HERC2: variants seen among roughly 807,000 people sequenced by gnomAD.
HERC2 encodes the protein E3 ubiquitin-protein ligase HERC2.
A neutral mutation model predicts 537.7 loss-of-function variants in HERC2; 102 were observed. The observed-to-expected ratio is 0.19, with a 90% CI of 0.16 to 0.22. The LOEUF is 0.22. HERC2 is among the 10% of genes least tolerant of loss of function. The pLI is 1.00. For missense variants in HERC2, 4,236 were observed against 6,198.2 expected (o/e 0.68, Z 10.63); for synonymous variants, 2,224 against 2,466.2 (o/e 0.90, Z 2.91).
chr15:28,174,997 C>T (rs1383950422), intron 64 of HERC2, among the ~76,000 whole-genome samples: 2 of 151,918 alleles, frequency 1.3e-5, no homozygotes, highest in Admixed American at 1.3e-4. Flanking sequence ...TGCTTCTTGG[C>T]CTTATAGAAT....
chr15:28,241,662 T>C (rs1331078069), intron 23 of HERC2, among the ~76,000 whole-genome samples: 1 of 151,648 alleles, frequency 6.6e-6, no homozygotes, highest in African/African-American at 2.4e-5. Flanking sequence ...TCTACTAAAA[T>C]ACAAAAAATT....
At position 28,142,913 on chromosome 15, in the gene HERC2, G is replaced by T. The variant is rs925644399; in HGVS notation, c.11458C>A (p.Leu3820Ile). Residue 3820 changes from leucine to isoleucine, a missense_variant, in exon 75 of 93, where the codon CTT (leucine) becomes ATT (isoleucine). Leu to Ile is a conservative substitution (Grantham distance 5). This residue lies in a region of HERC2 where 23 missense variants were observed against 60.0 expected (regional missense o/e 0.38). Transcript: ENST00000261609. Reference sequence around the variant, plus strand: ...AACTGCCTTTGCAAAGCTTCTGGAAGACCTTTCACCAAAGCAGCAAGAGCA... The same window carrying T: ...AACTGCCTTTGCAAAGCTTCTGGAATACCTTTCACCAAAGCAGCAAGAGCA... ...GSALAALVKGLPEALQRQFEY... is the reference protein window; with the variant it reads ...GSALAALVKGIPEALQRQFEY... The T allele has an allele frequency of 6.2e-7, 1 of 1,603,242 alleles. No individual in the cohort carries two copies. The highest frequency in any genetic ancestry group is 1.3e-5 in the African/African-American group (1 of 74,518).
chr15:28,300,999 A>G (rs1018221533), intron 2 of HERC2, among the ~76,000 whole-genome samples: 2 of 151,866 alleles, frequency 1.3e-5, no homozygotes, highest in Non-Finnish European at 2.9e-5. Flanking sequence ...TGACAGCGGC[A>G]CCCAGATTTT....
chr15:28,130,615 A>T, intron 81 of HERC2, 21 bp from the exon 82 acceptor site: 1 of 1,543,380 alleles, frequency 6.5e-7, no homozygotes, highest in Non-Finnish European at 9.0e-7. Flanking sequence ...AAAAGGTTCA[A>T]TTAGACAGAC....
intron 65 of HERC2, among the ~76,000 whole-genome samples, chr15:28,174,189 G>T (rs1003831984): frequency 3.8e-4 from 58 of 152,194 alleles, no homozygotes; most frequent in African/African-American, 1.3e-3. Flanking sequence ...ATAAATACAA[G>T]AATCAGCAAC....
chr15:28,274,180 A>T, intron 7 of HERC2, 111 bp downstream of exon 7: 1 of 1,012,758 alleles, frequency 9.9e-7, no homozygotes, highest in Non-Finnish European at 1.4e-6. Context: ...CGCTGAAAAC[A>T]GGTGAAAAAC....
Position 28,176,360 on chromosome 15 carries a change from C to G in HERC2, c.9686+68G>C, listed in dbSNP as rs548417939. The G allele has an allele frequency of 1.2e-5, 18 of 1,486,908 alleles. No individual in the cohort carries two copies. In the South Asian group the frequency reaches 1.9e-4, roughly 16 times the overall value. 92.1% of individuals were successfully genotyped at this position (1,486,908 alleles called of 1,614,324 possible). On this transcript the variant is annotated intron_variant, in intron 63 of 92. Coordinates refer to ENST00000261609, the MANE Select transcript of HERC2 (RefSeq NM_004667.6). The surrounding 1 kb of genome is among the most constrained non-coding windows in gnomAD (Gnocchi z 5.0). ...ACAATCACGCCGGGTGAGCCTGGGG[C>G]GAGGCCCAGGTTCCCTGCACACACC...
intron 16 of HERC2, among the ~76,000 whole-genome samples, chr15:28,259,518 T>C (rs1013002550): frequency 2.0e-5 from 3 of 152,194 alleles, no homozygotes; most frequent in Non-Finnish European, 4.4e-5. Flanking sequence ...ATGCCAATAT[T>C]TTGTATAAGG....
At chr15:28,243,623 A>G (rs1019553007) in intron 23 of HERC2, among the ~76,000 whole-genome samples, 4 of 152,234 alleles carry the variant, frequency 2.6e-5, no homozygotes, top group Middle Eastern at 6.3e-3. Flanking sequence ...TGCACACAGG[A>G]AAAGGTATCA....
intron 20 of HERC2, among the ~76,000 whole-genome samples, chr15:28,253,721 A>G (rs2075159360): frequency 6.6e-6 from 1 of 152,200 alleles, no homozygotes; most frequent in Non-Finnish European, 1.5e-5. Flanking sequence ...CAACACTTTC[A>G]GAGGCCAAGG....
At chr15:28,161,560 T>C (rs1240769357) in intron 69 of HERC2, among the ~76,000 whole-genome samples, 2 of 152,234 alleles carry the variant, frequency 1.3e-5, no homozygotes, top group African/African-American at 4.8e-5. Context: ...ACGCTCACTT[T>C]ATACTGCAGA....
intron 78 of HERC2, among the ~76,000 whole-genome samples, chr15:28,140,858 T>G (rs1025896314): frequency 6.6e-6 from 1 of 151,856 alleles, no homozygotes. Context: ...GTATTTACAA[T>G]AGCAAACAAG....
At chr15:28,298,005 TTGTGTG>T (rs373425948) in intron 3 of HERC2, among the ~76,000 whole-genome samples, 8,082 of 129,846 alleles carry the variant, frequency 0.062, 261 homozygotes, top group Non-Finnish European at 0.084. Flanking sequence ...CTGTCAGTTA[TTGTGTG>T]TGTGTGTGTG....
rs1895387587 is a variant in HERC2 at position 28,177,336 on chromosome 15, T to G, written c.9254+83A>C. On this transcript the variant is annotated intron_variant, in intron 60 of 92. Coordinates refer to ENST00000261609, the MANE Select transcript of HERC2 (RefSeq NM_004667.6). This position sits in a 1 kb window ranked among gnomAD's most constrained non-coding sequence, Gnocchi z 5.0. ...ACCATTTCTATAATCTATTCTATTC[T>G]AATTTTCTGCAAAATAATTCTCAAG... The G allele has an allele frequency of 1.4e-6, 2 of 1,442,638 alleles. No homozygotes were observed. The highest frequency in any genetic ancestry group is 3.5e-5 in the Admixed American group (2 of 57,434). The allele number at this position is 1,442,638 out of a possible 1,614,324, so 89.4% of individuals were successfully genotyped here. A position where few individuals can be genotyped will look rare whatever the true frequency, so the allele number is the denominator to read the frequency against.
chr15:28,321,100 TAATA>T (rs1307995968), intron 2 of HERC2, among the ~76,000 whole-genome samples: 12 of 152,100 alleles, frequency 7.9e-5, no homozygotes, highest in Admixed American at 4.6e-4. Context: ...TAACCAGTAA[TAATA>T]AATAGGAAAA....
At position 28,201,485 on chromosome 15, in the gene HERC2, AATC is replaced by A; in HGVS notation, c.7684_7686del (p.Asp2562del). 1 of 1,610,984 alleles carries A rather than the reference AATC, an allele frequency of 6.2e-7. No individual in the cohort carries two copies. The highest frequency in any genetic ancestry group is 8.5e-7 in the Non-Finnish European group (1 of 1,177,126). On this transcript the variant is annotated inframe_deletion, in exon 48 of 93. Coordinates refer to ENST00000261609, the MANE Select transcript of HERC2 (RefSeq NM_004667.6). ...ATATTCTCTCTCACATATACAGCATAATCATCATTACTCAAGAAATCAGCTCGT... is the reference window on the plus strand; with the variant it reads ...ATATTCTCTCTCACATATACAGCATAATCATTACTCAAGAAATCAGCTCGT...
intron 86 of HERC2, 59 bp from the exon 87 acceptor site, chr15:28,117,213 G>A (rs757155355): frequency 1.2e-5 from 19 of 1,534,060 alleles, no homozygotes; most frequent in South Asian, 1.0e-4. Context: ...GCACACAGTC[G>A]GGGATATGCG....
At position 28,112,041 on chromosome 15, in the gene HERC2, G is replaced by A; in HGVS notation, c.14233-6C>T. 6.2e-7 allele frequency: 1 copy of A among 1,612,772 alleles called. No individual in the cohort carries two copies. The highest frequency in any genetic ancestry group is 8.5e-7 in the Non-Finnish European group (1 of 1,178,948). On this transcript the variant is annotated splice_polypyrimidine_tract_variant and splice_region_variant and intron_variant, in intron 92 of 92. Transcript: ENST00000261609. ...GGGTTGTATTTATCCAACACCTGTT[G>A]AGCAGAAACATGAAGTGATTAGAAA...
chr15:28,229,856 G>C lies in HERC2; in HGVS notation c.4810-9C>G. On this transcript the variant is annotated splice_polypyrimidine_tract_variant and intron_variant, in intron 31 of 92. Coordinates refer to ENST00000261609, the MANE Select transcript of HERC2 (RefSeq NM_004667.6). ...AGCGGCTGCCATTTGTCCTAACAAAGGAAAACAATTTTCATCATTAGTCTA... is the reference window on the plus strand; with the variant it reads ...AGCGGCTGCCATTTGTCCTAACAAACGAAAACAATTTTCATCATTAGTCTA... 5 of 1,025,480 alleles carry C rather than the reference G, an allele frequency of 4.9e-6. No individual in the cohort carries two copies. Among genetic ancestry groups the C allele is most frequent in the Non-Finnish European group, 7.6e-6 (5 of 656,560 alleles). 63.5% of individuals were successfully genotyped at this position (1,025,480 alleles called of 1,614,324 possible). A position where few individuals can be genotyped will look rare whatever the true frequency, so the allele number is the denominator to read the frequency against.
Sources: gnomAD v4.1 joint callset for allele counts (sites outside exome capture counted in the v4.1 genomes callset) on GRCh38, gnomAD v4.1.1 for gene constraint, gnomAD v4.1.1 regional missense constraint, Gnocchi (gnomAD v3.1) non-coding constraint, MANE v1.5 for transcripts, NCBI Gene and HGNC (gene_info 2026-07-23, HGNC 2026-07-21) for gene names.